Variants in SPA17 observed in about 807,000 individuals in gnomAD.
The protein encoded by SPA17 is sperm autoantigenic protein 17, also known as sperm surface protein Sp17.
Under a neutral mutation model 13.8 loss-of-function variants are expected in SPA17, and 7 were observed. The ratio of observed to expected loss-of-function variants is 0.51; its 90% CI spans 0.29 to 0.95. The LOEUF (loss-of-function observed/expected upper bound fraction) is 0.95, where lower values mean the gene tolerates loss of function less well. Ranked by LOEUF, SPA17 falls within the 40% of genes least tolerant of loss-of-function variation. The pLI is 0.08. For missense variants in SPA17, 170 were observed against 179.3 expected, an observed-to-expected ratio of 0.95 and a Z score of 0.30; for synonymous variants, 61 against 59.0, an observed-to-expected ratio of 1.03 and a Z score of -0.16.
chr11:124,693,485 C>CATATAT (rs142153211), intron 4 of SPA17, among the ~76,000 whole-genome samples: 36 of 148,002 alleles, frequency 2.4e-4, no homozygotes, highest in African/African-American at 7.6e-4. Context: ...AATAAAAAGA[C>CATATAT]ATATATATAT....
At chr11:124,675,458 C>G in intron 2 of SPA17, 40 bp downstream of exon 2, 1 of 1,597,184 alleles carries the variant, frequency 6.3e-7, no homozygotes, top group Non-Finnish European at 8.5e-7. Flanking sequence ...AAATAAGAAA[C>G]TAAGCATTTG....
chr11:124,683,829 T>TA (rs373141715), intron 3 of SPA17, among the ~76,000 whole-genome samples: 3 of 152,116 alleles, frequency 2.0e-5, no homozygotes, highest in East Asian at 1.9e-4. Context: ...CCAGATTCAT[T>TA]AAAAAAAATT....
intron 3 of SPA17, among the ~76,000 whole-genome samples, chr11:124,689,980 T>G (rs1301067786): frequency 6.6e-6 from 1 of 152,134 alleles, no homozygotes; most frequent in Non-Finnish European, 1.5e-5. Flanking sequence ...TGGCAAGGAT[T>G]CAGAGAAAGG....
At chr11:124,681,550 A>T in intron 3 of SPA17, 91 bp downstream of exon 3, 1 of 779,150 alleles carries the variant, frequency 1.3e-6, no homozygotes, top group Non-Finnish European at 1.9e-6. Flanking sequence ...TGTGAGAATT[A>T]TGTGAGGAGG....
chr11:124,690,592 C>T (rs1207431187), intron 3 of SPA17, among the ~76,000 whole-genome samples: 1 of 152,144 alleles, frequency 6.6e-6, no homozygotes, highest in East Asian at 1.9e-4. Context: ...CAAAATTGTA[C>T]ATGTACTCCA....
chr11:124,694,314 G>A lies in SPA17; in HGVS notation c.324G>A (p.Glu108=), dbSNP rs529174635. ...TCCTTTCGATGAAGGACTCTTCTGA[G>A]GAAGATAAGGAAAAAGAAGAGGTTG... ...ETSVTILDSS[E]EDKEKEEVAA... is the part of the protein sequence containing the mutation. Residue 108 remains glutamate, a synonymous_variant, in exon 5 of 5, where the codon GAG becomes GAA. Transcript: ENST00000227135. The A allele has an allele frequency of 6.2e-7, 1 of 1,613,444 alleles. No homozygotes were observed. The highest frequency in any genetic ancestry group is 2.2e-5 in the East Asian group (1 of 44,838).
chr11:124,676,624 T>C lies in SPA17; in HGVS notation c.154+1206T>C, dbSNP rs192524635. 1.1e-4 allele frequency among the ~76,000 whole-genome samples: 16 copies of C among 152,352 alleles called. No individual in the cohort carries two copies. The East Asian group carries it at 3.1e-3, about 29-fold the overall frequency. ...TTTCCATATCCGGTCAGGGTGAATA[T>C]CTGTTGCACAATCTGAAACTTTAAA... On this transcript the variant is annotated intron_variant, in intron 2 of 4. Coordinates refer to ENST00000227135, the MANE Select transcript of SPA17 (RefSeq NM_017425.4).
chr11:124,684,640 C>T (rs1449109927), intron 3 of SPA17, among the ~76,000 whole-genome samples: 1 of 152,146 alleles, frequency 6.6e-6, no homozygotes, highest in African/African-American at 2.4e-5. Flanking sequence ...GGGTAACAGG[C>T]AGAGAGGTTC....
At chr11:124,679,960 T>G (rs754512894) in intron 2 of SPA17, among the ~76,000 whole-genome samples, 8 of 152,178 alleles carry the variant, frequency 5.3e-5, no homozygotes, top group Non-Finnish European at 1.2e-4. Flanking sequence ...TCATTGGTCA[T>G]CCTGAGAGGA....
At chr11:124,685,072 T>C (rs886414809) in intron 3 of SPA17, among the ~76,000 whole-genome samples, 9 of 152,234 alleles carry the variant, frequency 5.9e-5, no homozygotes, top group African/African-American at 2.2e-4. Context: ...AAGCCAAATG[T>C]TAATCACCAA....
At chr11:124,681,880 T>G (rs1403166466) in intron 3 of SPA17, among the ~76,000 whole-genome samples, 1 of 152,172 alleles carries the variant, frequency 6.6e-6, no homozygotes, top group African/African-American at 2.4e-5. Context: ...AAATAATTAC[T>G]GAATTAATAG....
intron 4 of SPA17, among the ~76,000 whole-genome samples, chr11:124,692,504 C>A (rs905879896): frequency 2.0e-5 from 3 of 151,946 alleles, no homozygotes. Flanking sequence ...GGTGTGAACC[C>A]GGGAGGCGGA....
intron 2 of SPA17, among the ~76,000 whole-genome samples, chr11:124,679,085 C>T (rs576569651): frequency 5.3e-5 from 8 of 150,132 alleles, no homozygotes; most frequent in Non-Finnish European, 7.4e-5. Flanking sequence ...TGCAGTGAGC[C>T]GAGATCGCAC....
chr11:124,680,764 G>GA (rs1943520795), intron 2 of SPA17, among the ~76,000 whole-genome samples: 1 of 151,058 alleles, frequency 6.6e-6, no homozygotes, highest in South Asian at 2.1e-4. Context: ...AAAATAATCA[G>GA]AAAAAAGTGC....
chr11:124,692,487 A>G (rs1054055978), intron 4 of SPA17, among the ~76,000 whole-genome samples: 3 of 152,046 alleles, frequency 2.0e-5, no homozygotes. Flanking sequence ...GGCTGAGGCA[A>G]GAGAATGGTG....
intron 1 of SPA17, chr11:124,674,443 G>C (rs1283587962): frequency 4.6e-5 from 7 of 152,176 alleles, no homozygotes; most frequent in African/African-American, 1.4e-4. Context: ...CCCCTACCAC[G>C]GCCTCCGCCT....
intron 3 of SPA17, among the ~76,000 whole-genome samples, chr11:124,687,341 G>T (rs1394905178): frequency 6.6e-6 from 1 of 152,040 alleles, no homozygotes; most frequent in Non-Finnish European, 1.5e-5. Flanking sequence ...GGACTGGATG[G>T]TTTCACAGCC....
intron 4 of SPA17, 111 bp downstream of exon 4, chr11:124,691,893 C>T (rs1943626390): frequency 3.4e-6 from 2 of 593,588 alleles, no homozygotes; most frequent in African/African-American, 3.8e-5. Flanking sequence ...AAAATTATGA[C>T]TTTACTTTCC....
At chr11:124,680,113 T>C (rs1943513616) in intron 2 of SPA17, among the ~76,000 whole-genome samples, 1 of 152,122 alleles carries the variant, frequency 6.6e-6, no homozygotes, top group South Asian at 2.1e-4. Context: ...TAATGAGTAC[T>C]CCAGAAAATA....
Sources: allele counts gnomAD v4.1 joint callset (sites outside exome capture counted in the v4.1 genomes callset), GRCh38; gene constraint gnomAD v4.1.1; transcripts MANE v1.5; gene names NCBI Gene and HGNC (gene_info 2026-07-23, HGNC 2026-07-21).